The following MATR3 variants were observed in gnomAD, a reference collection of about 807,000 sequenced individuals.
The protein encoded by MATR3 is matrin-3.
MATR3 carries 4 observed loss-of-function variants against 85.5 expected under a neutral mutation model. That is an observed-to-expected ratio of 0.05 (90% confidence interval 0.02 to 0.11). The LOEUF is 0.11. Ranked by LOEUF, MATR3 falls within the 10% of genes least tolerant of loss-of-function variation. The pLI, the probability that MATR3 is intolerant of heterozygous loss-of-function variation, is 1.00. For synonymous variants in MATR3, 336 were observed against 343.1 expected (o/e 0.98, Z 0.23); for missense variants, 685 against 1,016.1 (o/e 0.67, Z 4.43).
intron 2 of MATR3, chr5:139,314,419 C>T: frequency 6.9e-6 from 3 of 433,952 alleles, no homozygotes; most frequent in Non-Finnish European, 1.3e-5. Context: ...TATATCTTTT[C>T]CCTGTCAAAT....
chr5:139,316,265 GAT>G, intron 5 of MATR3, 77 bp downstream of exon 5: 1 of 1,121,478 alleles, frequency 8.9e-7, no homozygotes, highest in Non-Finnish European at 1.3e-6. Context: ...ATTTATTTGA[GAT>G]GGGGTTTTGC....
intron 1 of MATR3, 94 bp downstream of exon 1, chr5:139,293,899 A>T: frequency 9.7e-7 from 1 of 1,029,278 alleles, no homozygotes; most frequent in Non-Finnish European, 1.3e-6. Flanking sequence ...GGCTGCGGGG[A>T]GCCGGCGGCG....
chr5:139,302,973 T>C (rs1653765856), intron 1 of MATR3, among the ~76,000 whole-genome samples: 1 of 152,132 alleles, frequency 6.6e-6, no homozygotes, highest in Admixed American at 6.5e-5. Flanking sequence ...TTTTTTTCCC[T>C]GAGTATCTCT....
chr5:139,275,745 G>A (rs1430115094), intron 1 of MATR3, among the ~76,000 whole-genome samples: 1 of 152,178 alleles, frequency 6.6e-6, no homozygotes, highest in Non-Finnish European at 1.5e-5. Flanking sequence ...AGTGGAGGCT[G>A]CAGTGAGCCA....
intron 3 of MATR3, chr5:139,279,595 C>G (rs1259265767): frequency 1.2e-5 from 2 of 162,482 alleles, no homozygotes; most frequent in African/African-American, 4.8e-5. Context: ...CCTCTACCTC[C>G]TGGGTTCAAG....
intron 13 of MATR3, 117 bp downstream of exon 13, chr5:139,325,779 C>G: frequency 1.1e-6 from 1 of 902,338 alleles, no homozygotes; most frequent in Non-Finnish European, 1.8e-6. Flanking sequence ...TTTAAATTTG[C>G]TTTGTTTCTA....
At chr5:139,322,215 C>T (rs1366254326) in intron 10 of MATR3, among the ~76,000 whole-genome samples, 186 bp downstream of exon 10, 1 of 152,192 alleles carries the variant, frequency 6.6e-6, no homozygotes, top group Non-Finnish European at 1.5e-5. Context: ...CGAGTCTTCC[C>T]TAAAGGACAC....
chr5:139,294,110 C>G (rs752656002), intron 1 of MATR3: 3 of 1,205,702 alleles, frequency 2.5e-6, no homozygotes, highest in Middle Eastern at 2.7e-4. Context: ...GGTGCGCTGA[C>G]CGGCCGAGCT....
chr5:139,321,782 CAAAAAAGA>C, intron 9 of MATR3, 108 bp from the exon 10 acceptor site: 11 of 1,150,080 alleles, frequency 9.6e-6, no homozygotes, highest in Admixed American at 2.3e-5. Context: ...GACCCTGTCT[CAAAAAAGA>C]AAAAAAGTAA....
chr5:139,310,703 G>A (rs1754923596), intron 2 of MATR3: 1 of 152,088 alleles, frequency 6.6e-6, no homozygotes, highest in Non-Finnish European at 1.5e-5. Flanking sequence ...TTGTCATGGA[G>A]TGTCATTATT....
chr5:139,290,380 A>AACGATCTG (rs1190442315), upstream of MATR3, among the ~76,000 whole-genome samples: 1 of 146,548 alleles, frequency 6.8e-6, no homozygotes, highest in East Asian at 2.0e-4. Flanking sequence ...CCTGACCTCA[A>AACGATCTG]ACGATCTGCC....
At position 139,331,389 on chromosome 5, in the gene MATR3, T is replaced by C. The variant is rs1466916010; in HGVS notation, c.*1994T>C. The stretch of plus-strand genomic sequence containing the variant: ...GGAGTTCTTCAGTGTTTCCTTTCAG[T>C]GATGGCTTTTTCATAGCTTCAACTT... On this transcript the variant is annotated 3_prime_UTR_variant, in exon 15 of 15. Coordinates refer to ENST00000394805, the MANE Select transcript of MATR3 (RefSeq NM_018834.6). The C allele has an allele frequency of 6.6e-6, 3 of 454,048 alleles. No individual in the cohort carries two copies. The highest frequency in any genetic ancestry group is 2.3e-5 in the Admixed American group (1 of 42,558). The allele number at this position is 454,048 out of a possible 1,614,324, so 28.1% of individuals were successfully genotyped here.
At chr5:139,318,834 G>A in intron 7 of MATR3, 74 bp from the exon 8 acceptor site, 1 of 1,424,920 alleles carries the variant, frequency 7.0e-7, no homozygotes, top group Non-Finnish European at 9.9e-7. Flanking sequence ...TATTTTTTAG[G>A]AAAAAAAATC....
At chr5:139,283,809 T>C (rs1455001318) in intron 3 of MATR3, among the ~76,000 whole-genome samples, 1 of 152,258 alleles carries the variant, frequency 6.6e-6, no homozygotes, top group Non-Finnish European at 1.5e-5. Flanking sequence ...TAGATTCCCT[T>C]GTTGGCCACT....
At position 139,321,891 on chromosome 5, in the gene MATR3, T is replaced by C. The variant is rs1161987811; in HGVS notation, c.1603-7T>C. ...GTGCTTTGTGGTTTCTTTTCTTTCTTTTTAAGGCTTTTATTGAGATGGAGA... is the reference window on the plus strand; with the variant it reads ...GTGCTTTGTGGTTTCTTTTCTTTCTCTTTAAGGCTTTTATTGAGATGGAGA... On this transcript the variant is annotated splice_region_variant and splice_polypyrimidine_tract_variant and intron_variant, in intron 9 of 14. Coordinates refer to ENST00000394805, the MANE Select transcript of MATR3 (RefSeq NM_018834.6). 10 of 1,610,536 alleles carry C rather than the reference T, an allele frequency of 6.2e-6. No individual in the cohort carries two copies. The highest frequency in any genetic ancestry group is 8.5e-6 in the Non-Finnish European group (10 of 1,178,266).
At chr5:139,319,948 CTTT>C (rs201546262) in intron 9 of MATR3, among the ~76,000 whole-genome samples, 29 of 43,616 alleles carry the variant, frequency 6.6e-4, no homozygotes, top group African/African-American at 1.8e-3. Context: ...CTTTTCTTTT[CTTT>C]TTTTTTTTTT....
At chr5:139,301,993 G>A (rs887466241) in intron 1 of MATR3, among the ~76,000 whole-genome samples, 2 of 152,186 alleles carry the variant, frequency 1.3e-5, no homozygotes, top group South Asian at 2.1e-4. Context: ...TTGACTTCAC[G>A]TCTGTTAGAT....
At chr5:139,328,678 A>C (rs1192886697) in intron 14 of MATR3, among the ~76,000 whole-genome samples, 2 of 152,218 alleles carry the variant, frequency 1.3e-5, no homozygotes, top group Admixed American at 1.3e-4. Context: ...CTGGCCTTGC[A>C]AGAAAATGTT....
intron 3 of MATR3, 192 bp from the exon 4 acceptor site, chr5:139,315,505 C>T: frequency 1.8e-6 from 1 of 541,518 alleles, no homozygotes; most frequent in South Asian, 2.6e-5. Context: ...CAAGTTTATT[C>T]TCGTGGATTA....
Sources: allele counts gnomAD v4.1 joint callset (sites outside exome capture counted in the v4.1 genomes callset), GRCh38; gene constraint gnomAD v4.1.1; transcripts MANE v1.5; gene names NCBI Gene and HGNC (gene_info 2026-07-23, HGNC 2026-07-21).